FAM107B: variants seen among roughly 807,000 people sequenced by gnomAD.
The protein encoded by FAM107B is protein FAM107B.
In FAM107B, 21 loss-of-function variants were observed where a neutral mutation model predicts 31.5. That is an observed-to-expected ratio of 0.67 (90% CI 0.47 to 0.96). FAM107B has a LOEUF of 0.96. Among genes scored for constraint, FAM107B ranks in the 40% least tolerant of loss-of-function variants. The pLI, the probability that FAM107B is intolerant of heterozygous loss-of-function variation, is 0.00. For synonymous variants in FAM107B, 157 were observed against 141.5 expected (o/e 1.11, Z -0.78); for missense variants, 452 against 377.1 (o/e 1.20, Z -1.64).
chr10:14,733,031 A>G (rs895107987), intron 1 of FAM107B, among the ~76,000 whole-genome samples: 3 of 147,066 alleles, frequency 2.0e-5, no homozygotes, highest in African/African-American at 7.4e-5. Flanking sequence ...ATAATTATAT[A>G]TTATATCTAA....
intron 1 of FAM107B, among the ~76,000 whole-genome samples, chr10:14,772,493 T>C (rs187775341): frequency 1.1e-3 from 170 of 152,180 alleles, no homozygotes; most frequent in Middle Eastern, 3.4e-3. Context: ...TGAACTAGAA[T>C]AGATGCCCAT....
At chr10:14,697,082 T>C (rs1391601169) in intron 1 of FAM107B, among the ~76,000 whole-genome samples, 3 of 152,026 alleles carry the variant, frequency 2.0e-5, no homozygotes, top group African/African-American at 7.3e-5. Context: ...GAAAGGTCAT[T>C]AGAGTGCACG....
At chr10:14,651,622 A>G (rs1853902268) in intron 2 of FAM107B, among the ~76,000 whole-genome samples, 1 of 152,118 alleles carries the variant, frequency 6.6e-6, no homozygotes, top group Non-Finnish European at 1.5e-5. Flanking sequence ...AACAAAACAG[A>G]TATATCCACA....
chr10:14,559,002 G>C (rs1849964365), intron 2 of FAM107B, among the ~76,000 whole-genome samples: 1 of 150,158 alleles, frequency 6.7e-6, no homozygotes, highest in African/African-American at 2.5e-5. Flanking sequence ...ATTTCCATGT[G>C]AACCAACTGG....
rs75597992 is a variant in FAM107B at position 14,558,275 on chromosome 10, G to A, written c.470-27760C>T. On this transcript the variant is annotated intron_variant, in intron 2 of 4. Coordinates refer to ENST00000181796, the MANE Select transcript of FAM107B (RefSeq NM_031453.4). ...TGCACGCGCACAGTCACACATACGT[G>A]CACGCACACACACACATACACGCAC... is the stretch of plus-strand genomic sequence containing the variant. Among the ~76,000 whole-genome samples, 1,059 of 152,020 alleles carry A rather than the reference G, an allele frequency of 7.0e-3. 10 individuals carry two copies. The highest frequency in any genetic ancestry group is 0.022 in the South Asian group (105 of 4,804).
intron 1 of FAM107B, among the ~76,000 whole-genome samples, chr10:14,694,291 A>C (rs1041708860): frequency 6.6e-5 from 10 of 152,200 alleles, no homozygotes; most frequent in African/African-American, 2.2e-4. Flanking sequence ...TAAGACTTCC[A>C]TATTGTCTTC....
chr10:14,767,544 T>C (rs1833209897), intron 1 of FAM107B, among the ~76,000 whole-genome samples: 1 of 152,050 alleles, frequency 6.6e-6, no homozygotes, highest in African/African-American at 2.4e-5. Context: ...ACATACCACA[T>C]TGACAGAATG....
At chr10:14,582,526 T>C (rs180858566) in intron 2 of FAM107B, among the ~76,000 whole-genome samples, 2,488 of 151,910 alleles carry the variant, frequency 0.016, 32 homozygotes, top group Middle Eastern at 0.037. Context: ...AACAGGCGCC[T>C]GCCACCACAC....
chr10:14,582,883 C>T (rs546059411), intron 2 of FAM107B, among the ~76,000 whole-genome samples: 21 of 151,948 alleles, frequency 1.4e-4, no homozygotes, highest in Non-Finnish European at 2.2e-4. Flanking sequence ...GTCAGGAGTT[C>T]GAGATCGGCC....
intron 1 of FAM107B, among the ~76,000 whole-genome samples, chr10:14,724,690 A>G (rs997102057): frequency 6.6e-6 from 1 of 150,716 alleles, no homozygotes; most frequent in Non-Finnish European, 1.5e-5. Flanking sequence ...CCCAGAAGGA[A>G]AAAAAAAAAC....
chr10:14,732,440 C>A (rs550764838), intron 1 of FAM107B, among the ~76,000 whole-genome samples: 3 of 152,292 alleles, frequency 2.0e-5, no homozygotes, highest in African/African-American at 7.2e-5. Flanking sequence ...GAAGCCATTT[C>A]ATTTCCTGGC....
intron 1 of FAM107B, among the ~76,000 whole-genome samples, chr10:14,693,835 A>T (rs891604224): frequency 1.3e-5 from 2 of 152,102 alleles, no homozygotes; most frequent in East Asian, 1.9e-4. Context: ...CTTTTTTTCC[A>T]TATGTAAGTG....
intron 2 of FAM107B, among the ~76,000 whole-genome samples, chr10:14,610,726 T>C (rs1852704763): frequency 6.6e-6 from 1 of 152,230 alleles, no homozygotes; most frequent in African/African-American, 2.4e-5. Flanking sequence ...TGGAATTACT[T>C]CATTAAATAT....
intron 2 of FAM107B, among the ~76,000 whole-genome samples, chr10:14,590,983 CCATCTCAAAAA>C (rs1851999775): frequency 2.3e-5 from 2 of 86,232 alleles, no homozygotes; most frequent in African/African-American, 3.8e-5. Context: ...GAGCAAAACT[CCATCTCAAAAA>C]AAAAAAAAAA....
intron 2 of FAM107B, among the ~76,000 whole-genome samples, chr10:14,581,792 A>C (rs1851644705): frequency 6.6e-6 from 1 of 152,062 alleles, no homozygotes; most frequent in Non-Finnish European, 1.5e-5. Context: ...GGTCCCAGCT[A>C]CTCGGGAGGC....
intron 2 of FAM107B, among the ~76,000 whole-genome samples, chr10:14,617,731 T>C (rs1046889349): frequency 5.3e-5 from 6 of 113,062 alleles, no homozygotes; most frequent in Middle Eastern, 6.9e-3. Context: ...AATAAACAAC[T>C]AGAGACAGTT....
At chr10:14,557,327 A>C (rs1191365306) in intron 2 of FAM107B, among the ~76,000 whole-genome samples, 1 of 152,226 alleles carries the variant, frequency 6.6e-6, no homozygotes, top group Non-Finnish European at 1.5e-5. Flanking sequence ...TAAATGTTCA[A>C]TTATCATCTG....
intron 2 of FAM107B, among the ~76,000 whole-genome samples, chr10:14,532,149 G>A (rs1847093257): frequency 6.6e-6 from 1 of 152,180 alleles, no homozygotes; most frequent in African/African-American, 2.4e-5. Context: ...TCAGCACGGT[G>A]CTCGCTGGCC....
intron 1 of FAM107B, among the ~76,000 whole-genome samples, chr10:14,673,387 ATCTG>A (rs1478750575): frequency 6.6e-6 from 1 of 152,174 alleles, no homozygotes; most frequent in African/African-American, 2.4e-5. Context: ...AACATGTGGT[ATCTG>A]TCTTTCTGTG....
Sources: gnomAD v4.1 joint callset for allele counts (sites outside exome capture counted in the v4.1 genomes callset) on GRCh38, gnomAD v4.1.1 for gene constraint, MANE v1.5 for transcripts, NCBI Gene and HGNC (gene_info 2026-07-23, HGNC 2026-07-21) for gene names.